Variants in TMEM117 observed in about 807,000 individuals in gnomAD.
TMEM117 encodes the protein transmembrane protein 117.
Under a neutral mutation model 52.4 loss-of-function variants are expected in TMEM117, and 27 were observed. The observed-to-expected ratio is 0.51, with a 90% CI of 0.38 to 0.71. The LOEUF (loss-of-function observed/expected upper bound fraction) is 0.71. Among genes scored for constraint, TMEM117 ranks in the 30% least tolerant of loss-of-function variants. The pLI is 0.00. For synonymous variants in TMEM117, 215 were observed against 206.3 expected, an observed-to-expected ratio of 1.04 and a Z score of -0.36; for missense variants, 556 against 630.5, an observed-to-expected ratio of 0.88 and a Z score of 1.26.
chr12:43,927,395 G>A (rs1464935067), intron 2 of TMEM117, among the ~76,000 whole-genome samples: 5 of 150,960 alleles, frequency 3.3e-5, no homozygotes, highest in African/African-American at 1.2e-4. Context: ...ATTAAATCAA[G>A]TTTTAATTGT....
chr12:44,306,600 C>A (rs1950906636), intron 6 of TMEM117, among the ~76,000 whole-genome samples: 1 of 152,126 alleles, frequency 6.6e-6, no homozygotes, highest in South Asian at 2.1e-4. Context: ...ATACATACCT[C>A]CTATAATGTG....
At chr12:44,310,998 G>C (rs1950967475) in intron 6 of TMEM117, among the ~76,000 whole-genome samples, 1 of 152,100 alleles carries the variant, frequency 6.6e-6, no homozygotes, top group Non-Finnish European at 1.5e-5. Context: ...TGACAGAACT[G>C]CAAGAAAATT....
intron 3 of TMEM117, among the ~76,000 whole-genome samples, chr12:44,032,664 A>C (rs903614532): frequency 2.0e-5 from 3 of 152,212 alleles, no homozygotes; most frequent in Admixed American, 6.5e-5. Flanking sequence ...CAAGCTTATT[A>C]AATGTTTTTG....
At chr12:43,989,282 T>A (rs1316848577) in intron 3 of TMEM117, among the ~76,000 whole-genome samples, 1 of 152,132 alleles carries the variant, frequency 6.6e-6, no homozygotes, top group Non-Finnish European at 1.5e-5. Context: ...TATGTTTATA[T>A]TATTCATTGC....
intron 6 of TMEM117, among the ~76,000 whole-genome samples, chr12:44,341,461 G>T (rs1592705253): frequency 6.6e-6 from 1 of 152,082 alleles, no homozygotes; most frequent in Non-Finnish European, 1.5e-5. Context: ...CTTTTCTATG[G>T]CTGAATAGTA....
chr12:44,023,968 A>T (rs1434685999), intron 3 of TMEM117, among the ~76,000 whole-genome samples: 1 of 152,178 alleles, frequency 6.6e-6, no homozygotes, highest in Non-Finnish European at 1.5e-5. Context: ...TATAAAAAAA[A>T]AATCCAGTAG....
At chr12:44,355,950 C>T (rs777078752) in intron 6 of TMEM117, among the ~76,000 whole-genome samples, 1 of 151,946 alleles carries the variant, frequency 6.6e-6, no homozygotes, top group Non-Finnish European at 1.5e-5. Context: ...AACTCAGTGG[C>T]TTTCCAGCAT....
chr12:43,999,953 A>C (rs371806046), intron 3 of TMEM117, among the ~76,000 whole-genome samples: 24 of 152,234 alleles, frequency 1.6e-4, no homozygotes, highest in South Asian at 4.1e-4. Context: ...GTCATTCAAA[A>C]TTTTAAATTT....
chr12:43,899,986 A>T lies in TMEM117; in HGVS notation c.278-44224A>T, dbSNP rs190482274. On this transcript the variant is annotated intron_variant, in intron 2 of 7. Coordinates refer to ENST00000266534, the MANE Select transcript of TMEM117 (RefSeq NM_032256.3). Reference sequence around the variant, plus strand: ...ATTGGTAAGCATTCAGTGAGTGTTCACACCATCCATGATCATTTCCTGCTA... The same window carrying T: ...ATTGGTAAGCATTCAGTGAGTGTTCTCACCATCCATGATCATTTCCTGCTA... 1.2e-4 allele frequency among the ~76,000 whole-genome samples: 18 copies of T among 152,296 alleles called. No individual in the cohort carries two copies. In the East Asian group the frequency reaches 3.5e-3, roughly 29 times the overall value.
chr12:44,252,262 T>C (rs1325473975), intron 5 of TMEM117, among the ~76,000 whole-genome samples: 2 of 152,166 alleles, frequency 1.3e-5, no homozygotes, highest in Non-Finnish European at 2.9e-5. Context: ...TCCCAGCACT[T>C]TGGGAGGCCG....
intron 3 of TMEM117, among the ~76,000 whole-genome samples, chr12:44,098,419 CT>C (rs59540545): frequency 0.08 from 12,212 of 151,836 alleles, 1,421 homozygotes; most frequent in African/African-American, 0.26. Flanking sequence ...CACAAATGCC[CT>C]TTTTTTTCTG....
At chr12:44,125,196 C>A (rs889559014) in intron 3 of TMEM117, among the ~76,000 whole-genome samples, 4 of 152,174 alleles carry the variant, frequency 2.6e-5, no homozygotes, top group African/African-American at 9.7e-5. Context: ...CCTCTGCCTG[C>A]CGGGTTCACG....
chr12:43,885,877 A>G (rs1401305335), intron 2 of TMEM117, among the ~76,000 whole-genome samples: 2 of 152,176 alleles, frequency 1.3e-5, no homozygotes, highest in Non-Finnish European at 2.9e-5. Flanking sequence ...GAATAGGTAG[A>G]AGTTAGCTAA....
the TMEM117 span, chr12:43,804,310 A>T: frequency 3.4e-6 from 2 of 588,380 alleles, no homozygotes; most frequent in Non-Finnish European, 3.1e-6. Context: ...TGATAGTCAC[A>T]TAATTCAGAA....
At chr12:44,115,778 G>A (rs1948130891) in intron 3 of TMEM117, among the ~76,000 whole-genome samples, 1 of 152,132 alleles carries the variant, frequency 6.6e-6, no homozygotes, top group African/African-American at 2.4e-5. Context: ...TGTGTACTAT[G>A]CCTGGGCTGG....
At chr12:43,877,916 C>A (rs1231611308) in intron 2 of TMEM117, among the ~76,000 whole-genome samples, 1 of 150,848 alleles carries the variant, frequency 6.6e-6, no homozygotes, top group Admixed American at 6.6e-5. Context: ...CACACACACA[C>A]ACACACACAC....
At chr12:44,087,108 C>T (rs952276808) in intron 3 of TMEM117, among the ~76,000 whole-genome samples, 15 of 150,798 alleles carry the variant, frequency 9.9e-5, no homozygotes, top group Middle Eastern at 3.5e-3. Context: ...CTTATACACA[C>T]TGTCATAGAT....
At chr12:43,868,655 A>T (rs1410865894) in intron 2 of TMEM117, among the ~76,000 whole-genome samples, 1 of 152,022 alleles carries the variant, frequency 6.6e-6, no homozygotes, top group East Asian at 1.9e-4. Flanking sequence ...AATATTTCTA[A>T]CTGAATGATG....
chr12:44,017,648 A>T (rs1946393769), intron 3 of TMEM117, among the ~76,000 whole-genome samples: 1 of 152,184 alleles, frequency 6.6e-6, no homozygotes, highest in Non-Finnish European at 1.5e-5. Flanking sequence ...CTGATTAATA[A>T]TGATATATTT....
Sources: allele counts gnomAD v4.1 joint callset (sites outside exome capture counted in the v4.1 genomes callset), GRCh38; gene constraint gnomAD v4.1.1; transcripts MANE v1.5; gene names NCBI Gene and HGNC (gene_info 2026-07-23, HGNC 2026-07-21).